PIK3AP1: variants seen among roughly 807,000 people sequenced by gnomAD.
PIK3AP1 encodes the protein phosphoinositide 3-kinase adapter protein 1.
Under a neutral mutation model 88.1 loss-of-function variants are expected in PIK3AP1, and 21 were observed. The observed-to-expected ratio is 0.24, with a 90% CI of 0.17 to 0.34. PIK3AP1 has a LOEUF of 0.34. Among genes scored for constraint, PIK3AP1 ranks in the 10% least tolerant of loss-of-function variants. PIK3AP1 has a pLI of 1.00. For synonymous variants in PIK3AP1, 398 were observed against 400.0 expected (o/e 1.00, Z 0.06); for missense variants, 828 against 1,035.7 (o/e 0.80, Z 2.75).
At chr10:96,606,403 G>A (rs1849003132) in intron 14 of PIK3AP1, among the ~76,000 whole-genome samples, 1 of 152,152 alleles carries the variant, frequency 6.6e-6, no homozygotes, top group Non-Finnish European at 1.5e-5. Flanking sequence ...TTATCTACTA[G>A]CAAGAAGTCA....
At chr10:96,669,916 C>G (rs546100236) in intron 2 of PIK3AP1, among the ~76,000 whole-genome samples, 1 of 152,046 alleles carries the variant, frequency 6.6e-6, no homozygotes, top group South Asian at 2.1e-4. Context: ...GTAGCTCATG[C>G]CTGTAATCCC....
At chr10:96,605,175 T>C (rs766385309) in intron 14 of PIK3AP1, among the ~76,000 whole-genome samples, 1 of 152,108 alleles carries the variant, frequency 6.6e-6, no homozygotes, top group Non-Finnish European at 1.5e-5. Context: ...GTATAATTTA[T>C]GTTCATGGTC....
At chr10:96,648,528 T>A in intron 7 of PIK3AP1, 131 bp downstream of exon 7, 1 of 984,724 alleles carries the variant, frequency 1.0e-6, no homozygotes, top group Admixed American at 3.8e-5. Context: ...AGCCCACACA[T>A]ACTGCCCATG....
intron 13 of PIK3AP1, among the ~76,000 whole-genome samples, chr10:96,612,365 C>T (rs999257542): frequency 5.3e-5 from 8 of 152,188 alleles, no homozygotes; most frequent in Non-Finnish European, 1.2e-4. Flanking sequence ...TTATTAAGAA[C>T]AGTCTTAATT....
At chr10:96,629,930 A>AAAGAAGAAGAAG (rs61662185) in intron 8 of PIK3AP1, among the ~76,000 whole-genome samples, 15 of 13,724 alleles carry the variant, frequency 1.1e-3, no homozygotes, top group African/African-American at 2.4e-3. Flanking sequence ...AAAAAAAAAA[A>AAAGAAGAAGAAG]AAGAAGAAGA....
At chr10:96,665,775 G>A (rs1248182557) in intron 2 of PIK3AP1, among the ~76,000 whole-genome samples, 4 of 152,154 alleles carry the variant, frequency 2.6e-5, no homozygotes, top group African/African-American at 9.7e-5. Flanking sequence ...GGAAAGAAGG[G>A]GGCAGGATGA....
At chr10:96,661,186 TAA>T (rs895771047) in intron 2 of PIK3AP1, among the ~76,000 whole-genome samples, 2 of 138,146 alleles carry the variant, frequency 1.4e-5, no homozygotes. Flanking sequence ...AAACTCCATC[TAA>T]AAAAAAAAAA....
chr10:96,671,943 T>C (rs1009205221), intron 2 of PIK3AP1, among the ~76,000 whole-genome samples: 1 of 151,886 alleles, frequency 6.6e-6, no homozygotes, highest in Non-Finnish European at 1.5e-5. Context: ...GAGGTTGAAG[T>C]GGGAGGCTCA....
chr10:96,708,902 G>A (rs1311140098), intron 2 of PIK3AP1, among the ~76,000 whole-genome samples: 2 of 152,032 alleles, frequency 1.3e-5, no homozygotes, highest in Non-Finnish European at 1.5e-5. Context: ...AGGCTGAGGC[G>A]GGTGGATCAT....
At chr10:96,608,233 C>T (rs1849035962) in intron 14 of PIK3AP1, among the ~76,000 whole-genome samples, 1 of 152,242 alleles carries the variant, frequency 6.6e-6, no homozygotes, top group Non-Finnish European at 1.5e-5. Flanking sequence ...GCACTGTTCT[C>T]ACCCTGAGAG....
intron 13 of PIK3AP1, among the ~76,000 whole-genome samples, chr10:96,612,597 C>G (rs537997617): frequency 6.6e-6 from 1 of 152,108 alleles, no homozygotes; most frequent in Admixed American, 6.6e-5. Context: ...GATGCCTTCT[C>G]TTTGGCAAAT....
At chr10:96,631,526 C>T (rs1159172801) in intron 8 of PIK3AP1, among the ~76,000 whole-genome samples, 1 of 152,178 alleles carries the variant, frequency 6.6e-6, no homozygotes, top group African/African-American at 2.4e-5. Context: ...TGCAGACTTC[C>T]ACTTTGGGTA....
Position 96,681,428 on chromosome 10 carries a change from C to T in PIK3AP1, c.431-24494G>A, listed in dbSNP as rs150058178. Among the ~76,000 whole-genome samples the T allele has an allele frequency of 4.5e-3, 682 of 152,316 alleles. 3 individuals carry two copies. Among genetic ancestry groups the T allele is most frequent in the African/African-American group, 0.016 (655 of 41,572 alleles). ...CTCAAAGTCAGAGAATAACTGGCCA[C>T]GAAACCTAAACCAGGGCTGCTGGCT... is the stretch of plus-strand genomic sequence containing the variant. On this transcript the variant is annotated intron_variant, in intron 2 of 16. Transcript: ENST00000339364.
intron 8 of PIK3AP1, among the ~76,000 whole-genome samples, chr10:96,637,314 T>TCACACA (rs55885337): frequency 0.028 from 3,641 of 127,996 alleles, 65 homozygotes; most frequent in African/African-American, 0.048. Context: ...AGATATACAA[T>TCACACA]CACACACACA....
Position 96,616,621 on chromosome 10 carries a change from C to T in PIK3AP1, c.2014+18G>A, listed in dbSNP as rs767079237. The T allele has an allele frequency of 3.7e-6, 6 of 1,612,660 alleles. No individual in the cohort carries two copies. Among genetic ancestry groups the T allele is most frequent in the South Asian group, 3.3e-5 (3 of 91,048 alleles). ...CAGCAATGTCCCACACAATGCAGCA[C>T]CCTAGGAAGCCACATACCTGTCTGC... On this transcript the variant is annotated intron_variant, in intron 13 of 16. Coordinates refer to ENST00000339364, the MANE Select transcript of PIK3AP1 (RefSeq NM_152309.3).
chr10:96,595,871 A>G (rs561739883), intron 16 of PIK3AP1, among the ~76,000 whole-genome samples: 8 of 152,124 alleles, frequency 5.3e-5, no homozygotes, highest in Non-Finnish European at 7.4e-5. Flanking sequence ...TCCATCCCAG[A>G]CCCATCGCAT....
chr10:96,708,574 CAAAA>C (rs924470384), intron 2 of PIK3AP1, among the ~76,000 whole-genome samples: 8 of 12,826 alleles, frequency 6.2e-4, no homozygotes, highest in Non-Finnish European at 1.1e-3. Flanking sequence ...GGATCTGTCT[CAAAA>C]AAAAAAAAAA....
intron 8 of PIK3AP1, among the ~76,000 whole-genome samples, chr10:96,629,951 G>GAAGAAA (rs1843222968): frequency 5.5e-5 from 4 of 72,440 alleles, no homozygotes; most frequent in Non-Finnish European, 6.3e-5. Context: ...AGAAGAAGAA[G>GAAGAAA]AAGAAGAAAG....
intron 2 of PIK3AP1, among the ~76,000 whole-genome samples, chr10:96,677,591 A>G (rs1230936494): frequency 2.0e-5 from 3 of 148,422 alleles, no homozygotes; most frequent in African/African-American, 5.1e-5. Context: ...ACACACACAC[A>G]CACACACACA....
Sources: allele counts gnomAD v4.1 joint callset (sites outside exome capture counted in the v4.1 genomes callset), GRCh38; gene constraint gnomAD v4.1.1; transcripts MANE v1.5; gene names NCBI Gene and HGNC (gene_info 2026-07-23, HGNC 2026-07-21).